The following ASPM variants were observed in gnomAD, a reference collection of about 807,000 sequenced individuals.
ASPM encodes abnormal spindle-like microcephaly-associated protein.
Under a neutral mutation model 366.4 loss-of-function variants are expected in ASPM, and 256 were observed. That is an observed-to-expected ratio of 0.70 (90% CI 0.63 to 0.77). ASPM has a LOEUF of 0.77. Ranked by LOEUF, ASPM falls within the 30% of genes least tolerant of loss-of-function variation. The pLI is 0.00. For missense variants in ASPM, 4,146 were observed against 4,090.4 expected, an observed-to-expected ratio of 1.01 and a Z score of -0.37; for synonymous variants, 1,414 against 1,342.9, an observed-to-expected ratio of 1.05 and a Z score of -1.16.
intron 16 of ASPM, among the ~76,000 whole-genome samples, chr1:197,121,379 A>G (rs1657901998): frequency 6.6e-6 from 1 of 152,164 alleles, no homozygotes; most frequent in Non-Finnish European, 1.5e-5. Context: ...TAACATTTTG[A>G]AAAATTAATA....
At chr1:197,131,939 A>C (rs1351378120) in intron 7 of ASPM, among the ~76,000 whole-genome samples, 1 of 152,134 alleles carries the variant, frequency 6.6e-6, no homozygotes, top group Non-Finnish European at 1.5e-5. Flanking sequence ...GGTTTTAAGA[A>C]ATTTAAATTA....
rs1458011592 is a variant in ASPM, at chr1:197,101,742, CCAAGTCTGAAATGTAATATAT to C, written c.7488_7508del (p.Tyr2497_Trp2503del). On this transcript the variant is annotated inframe_deletion, in exon 18 of 28. Transcript: ENST00000367409. ...GCTGAATTAGAATTGAAGCATGTTT[CCAAGTCTGAAATGTAATATAT>C]GTTCTGTACATCCTGAAAGTAGCCT... 6.2e-7 allele frequency: 1 copy of C among 1,612,174 alleles called. No individual in the cohort carries two copies. Among genetic ancestry groups the C allele is most frequent in the Non-Finnish European group, 8.5e-7 (1 of 1,179,082 alleles).
chr1:197,135,305 C>A, intron 4 of ASPM, 63 bp from the exon 5 acceptor site: 3 of 1,502,416 alleles, frequency 2.0e-6, no homozygotes, highest in Non-Finnish European at 2.8e-6. Flanking sequence ...CAATATACAG[C>A]AAAAGTCATT....
intron 23 of ASPM, 143 bp downstream of exon 23, chr1:197,090,707 A>C: frequency 2.7e-6 from 2 of 743,716 alleles, no homozygotes; most frequent in Non-Finnish European, 4.4e-6. Context: ...CAATGAAATT[A>C]TGGTAGTATA....
intron 18 of ASPM, 75 bp downstream of exon 18, chr1:197,100,356 C>T: frequency 9.5e-7 from 1 of 1,050,974 alleles, no homozygotes; most frequent in Non-Finnish European, 1.4e-6. Flanking sequence ...TGCTTAAGCT[C>T]ATTTTATACA....
chr1:197,139,792 C>A lies in ASPM; in HGVS notation c.2001G>T (p.Leu667Phe). The A allele has an allele frequency of 6.2e-7, 1 of 1,610,838 alleles. No homozygotes were observed. The highest frequency in any genetic ancestry group is 1.1e-5 in the South Asian group (1 of 90,974). ...CTGTTTTTAATGGTTTTATGAAGGT[C>A]AAACTGGACTGTGCCACAGCGATAA... ...KPIIAVAQSS[L>F]TFIKPLKTDI... Residue 667 changes from leucine (L) to phenylalanine (F), a missense_variant, in exon 4 of 28, where the codon TTG becomes TTT. This residue lies in a region of ASPM where 3,624 missense variants were observed against 3,591.7 expected (regional missense o/e 1.01). Transcript: ENST00000367409.
chr1:197,089,884 A>G (rs1656719870), intron 25 of ASPM, 46 bp downstream of exon 25: 1 of 1,581,938 alleles, frequency 6.3e-7, no homozygotes, highest in East Asian at 2.2e-5. Flanking sequence ...TTGCAGGGGC[A>G]TATTTGTTGA....
At position 197,132,340 on chromosome 1, in the gene ASPM, T is replaced by A; in HGVS notation, c.2432A>T (p.Lys811Ile). 1 of 1,613,316 alleles carries A rather than the reference T, an allele frequency of 6.2e-7. No homozygotes were observed. Among genetic ancestry groups the A allele is most frequent in the South Asian group, 1.1e-5 (1 of 91,042 alleles). The part of the protein sequence containing the change: ...HLWKDVGERQ[K>I]VLNWLLSYNP... ...GTAGGACAACAGCCAATTCAGGACTTTCTGACGTTCTCCTGAAATGCATGT... is the reference window on the plus strand; with the variant it reads ...GTAGGACAACAGCCAATTCAGGACTATCTGACGTTCTCCTGAAATGCATGT... The change falls in exon 7 of 28, where the codon AAA becomes ATA. Residue 811 changes from lysine to isoleucine, a missense_variant. Transcript: ENST00000367409.
rs1657247716 is a variant in ASPM at position 197,102,939 on chromosome 1, A to G, written c.6312T>C (p.Tyr2104=). ...TATGTCTTCTAACTCTAATACCTCT[A>G]TAAACAGATTGGATTTTAATTGCTG... ...KKTAIKIQSV[Y]RGIRVRRHIQ... The change falls in exon 18 of 28, where the codon TAT becomes TAC. Residue 2104 remains tyrosine (Y), a synonymous_variant. Transcript: ENST00000367409. 2 of 1,612,508 alleles carry G rather than the reference A, an allele frequency of 1.2e-6. No individual in the cohort carries two copies. Among genetic ancestry groups the G allele is most frequent in the Non-Finnish European group, 1.7e-6 (2 of 1,179,094 alleles).
In ASPM at chr1:197,122,595, C is replaced by A. The variant is rs1657946844; in HGVS notation, c.3391G>T (p.Val1131Leu). 1 of 1,599,456 alleles carries A rather than the reference C, an allele frequency of 6.3e-7. No individual in the cohort carries two copies. The change falls in exon 14 of 28, where the codon GTG becomes TTG. Residue 1131 changes from valine to leucine, a missense_variant and splice_region_variant. Physicochemically the swap from Val to Leu is conservative, Grantham distance 32. This residue lies in a region of ASPM where 3,624 missense variants were observed against 3,591.7 expected (regional missense o/e 1.01). Coordinates refer to ENST00000367409, the MANE Select transcript of ASPM (RefSeq NM_018136.5). Reference protein sequence around the residue: ...NAVCAFYNKKVENFTVSFSDG... With the variant: ...NAVCAFYNKKLENFTVSFSDG... Reference sequence around the variant, plus strand: ...GAGAAAGACACTGTAAAATTCTCCACCTGATTGAAAATGCCAGAAAAACAA... The same window carrying A: ...GAGAAAGACACTGTAAAATTCTCCAACTGATTGAAAATGCCAGAAAAACAA...
Position 197,102,383 on chromosome 1 carries a change from T to G in ASPM, c.6868A>C (p.Ile2290Leu), listed in dbSNP as rs758080315. 2 of 1,612,738 alleles carry G rather than the reference T, an allele frequency of 1.2e-6. No homozygotes were observed. Among genetic ancestry groups the G allele is most frequent in the Admixed American group, 1.7e-5 (1 of 59,776 alleles). ...GCCCGATATTTTCTCTGAATCAAAA[T>G]AGCAGTTTTCTTGAGAGAGAGGAAT... ...RRFLSLKKTA[I>L]LIQRKYRAHL... Residue 2290 changes from isoleucine to leucine, a missense_variant, in exon 18 of 28, where the codon ATT becomes CTT. Physicochemically the swap from Ile to Leu is conservative, Grantham distance 5. This residue lies in a region of ASPM where 3,624 missense variants were observed against 3,591.7 expected (regional missense o/e 1.01). Transcript: ENST00000367409.
intron 17 of ASPM, among the ~76,000 whole-genome samples, chr1:197,109,630 T>TA (rs1278039331): frequency 5.9e-5 from 9 of 151,652 alleles, no homozygotes; most frequent in African/African-American, 2.2e-4. Context: ...GTGGGGGAAA[T>TA]AAAAAATAGA....
rs376811340 is a variant in ASPM, at chr1:197,093,034, C to T, written c.9294+18G>A. On this transcript the variant is annotated intron_variant, in intron 21 of 27. Coordinates refer to ENST00000367409, the MANE Select transcript of ASPM (RefSeq NM_018136.5). ...TTTCATTTTATAAGAATGAGATATG[C>T]TACTTGAAAATACTTACTCTTTTTC... 1.8e-5 allele frequency: 28 copies of T among 1,567,982 alleles called. No homozygotes were observed. The African/African-American group carries it at 3.0e-4, about 17-fold the overall frequency.
intron 4 of ASPM, chr1:197,138,721 T>C: frequency 1.5e-6 from 1 of 679,144 alleles, no homozygotes; most frequent in Non-Finnish European, 2.7e-6. Context: ...ATGATAGGGC[T>C]CTCAAACAGA....
At chr1:197,091,228 CTGTGTG>C (rs35277950) in intron 22 of ASPM, among the ~76,000 whole-genome samples, 187 bp from the exon 23 acceptor site, 2 of 150,856 alleles carry the variant, frequency 1.3e-5, no homozygotes, top group African/African-American at 4.9e-5. Flanking sequence ...TGTTGGGTGC[CTGTGTG>C]TGTGTGTGTG....
chr1:197,142,409 T>G lies in ASPM; in HGVS notation c.1843A>C (p.Lys615Gln). ...GGTGTTGTCACATTTTTTGTTTTCT[T>G]AACAGCTGATGTTTTAGGCTCTGAG... The part of the protein sequence containing the change: ...SPSEPKTSAV[K>Q]KTKNVTTPIS... Residue 615 changes from lysine (K) to glutamine (Q), a missense_variant, in exon 3 of 28, where the codon AAG (lysine) becomes CAG (glutamine). Coordinates refer to ENST00000367409, the MANE Select transcript of ASPM (RefSeq NM_018136.5). The G allele has an allele frequency of 6.2e-7, 1 of 1,613,956 alleles. No individual in the cohort carries two copies. Among genetic ancestry groups the G allele is most frequent in the Non-Finnish European group, 8.5e-7 (1 of 1,179,836 alleles).
At position 197,143,176 on chromosome 1, in the gene ASPM, T is replaced by C. The variant is rs534221332; in HGVS notation, c.1076A>G (p.His359Arg). 11 of 1,613,608 alleles carry C rather than the reference T, an allele frequency of 6.8e-6. No individual in the cohort carries two copies. The South Asian group carries it at 9.9e-5, about 15-fold the overall frequency. ...QPVHLESTIA[H>R]EIYQKILSPD... ...ACTTAAAATTTTCTGATAAATTTCA[T>C]GTGCAATTGTTGATTCCAAATGCAC... is the stretch of plus-strand genomic sequence containing the variant. The change falls in exon 3 of 28, where the codon CAT becomes CGT. Residue 359 changes from histidine to arginine, a missense_variant. This residue lies in a region of ASPM where 512 missense variants were observed against 471.7 expected (regional missense o/e 1.09). Coordinates refer to ENST00000367409, the MANE Select transcript of ASPM (RefSeq NM_018136.5).
Position 197,143,339 on chromosome 1 carries a change from T to G in ASPM, c.913A>C (p.Thr305Pro). 1 of 1,614,000 alleles carries G rather than the reference T, an allele frequency of 6.2e-7. No individual in the cohort carries two copies. Residue 305 changes from threonine (T) to proline (P), a missense_variant, in exon 3 of 28, where the codon ACT becomes CCT. By Grantham distance (38) the Thr-to-Pro change is conservative (BLOSUM62 -1). Transcript: ENST00000367409. ...KLSLTPNCSS[T>P]LNITQSQIHF... ...ATTTGGCTTTGTGTAATGTTCAAAG[T>G]TGAAGAACAGTTGGGGGTAAGACTA... is the stretch of plus-strand genomic sequence containing the variant.
At chr1:197,108,115 T>C (rs1161531868) in intron 17 of ASPM, among the ~76,000 whole-genome samples, 1 of 151,698 alleles carries the variant, frequency 6.6e-6, no homozygotes, top group African/African-American at 2.4e-5. Flanking sequence ...AACAGAAAAA[T>C]AATAGGAAAA....
Sources: allele counts gnomAD v4.1 joint callset (sites outside exome capture counted in the v4.1 genomes callset), GRCh38; gene constraint gnomAD v4.1.1; regional missense constraint gnomAD v4.1.1; transcripts MANE v1.5; gene names NCBI Gene and HGNC (gene_info 2026-07-23, HGNC 2026-07-21).